PRRC2A: variants seen among roughly 807,000 people sequenced by gnomAD.
The protein encoded by PRRC2A is proline rich coiled-coil 2A.
PRRC2A carries 59 observed loss-of-function variants against 224.6 expected under a neutral mutation model. That is an observed-to-expected ratio of 0.26 (90% CI 0.21 to 0.33). The LOEUF (loss-of-function observed/expected upper bound fraction) is 0.33, where lower values mean the gene tolerates loss of function less well. Among genes scored for constraint, PRRC2A ranks in the 10% least tolerant of loss-of-function variants. The pLI, the probability that PRRC2A is intolerant of heterozygous loss-of-function variation, is 1.00. For synonymous variants in PRRC2A, 1,194 were observed against 1,109.5 expected (o/e 1.08, Z -1.51); for missense variants, 3,095 against 2,880.7 (o/e 1.07, Z -1.70).
Position 31,633,524 on chromosome 6 carries a change from A to G in PRRC2A, c.4465A>G (p.Ser1489Gly). 1.2e-6 allele frequency: 2 copies of G among 1,613,046 alleles called. No individual in the cohort carries two copies. Among genetic ancestry groups the G allele is most frequent in the South Asian group, 1.1e-5 (1 of 91,086 alleles). Residue 1489 changes from serine (S) to glycine (G), a missense_variant, in exon 17 of 31, where the codon AGT becomes GGT. Ser to Gly is a moderately conservative substitution (Grantham distance 56). Transcript: ENST00000376033. ...GGCCCAGCTTAGTAGCCGTCAAGGG[A>G]GTGTAACTGCACCAGGGGGTCATCC... ...ALAQLSSRQG[S>G]VTAPGGHPRH...
In PRRC2A at chr6:31,627,032, G is replaced by A. The variant is rs751003505; in HGVS notation, c.1124G>A (p.Gly375Asp). 3.7e-6 allele frequency: 6 copies of A among 1,614,180 alleles called. No homozygotes were observed. The highest frequency in any genetic ancestry group is 3.4e-6 in the Non-Finnish European group (4 of 1,180,034). ...GAGGAACGGCCCCCTGAAGCAGATG[G>A]CAAAAAGGGCAACTCCCCCAACAGC... is the stretch of plus-strand genomic sequence containing the variant. ...SGEERPPEAD[G>D]KKGNSPNSEP... The change falls in exon 11 of 31, where the codon GGC becomes GAC. Residue 375 changes from glycine (G) to aspartate (D), a missense_variant. Gly to Asp is a moderately conservative substitution (Grantham distance 94). Coordinates refer to ENST00000376033, the MANE Select transcript of PRRC2A (RefSeq NM_004638.4). The surrounding 1 kb of genome is among the most constrained non-coding windows in gnomAD (Gnocchi z 5.6).
At position 31,631,332 on chromosome 6, in the gene PRRC2A, A is replaced by G. The variant is rs781034570; in HGVS notation, c.2659A>G (p.Lys887Glu). ...QTPPPKKEPPKEETAQLTGPE... is the reference protein window; with the variant it reads ...QTPPPKKEPPEEETAQLTGPE... The stretch of plus-strand genomic sequence containing the variant: ...TCCACCACCCAAGAAGGAGCCCCCT[A>G]AGGAGGAGACTGCACAGCTGACGGG... The change falls in exon 16 of 31, where the codon AAG becomes GAG. Residue 887 changes from lysine (K) to glutamate (E), a missense_variant. This residue lies in a region of PRRC2A where 2,001 missense variants were observed against 1,764.9 expected (regional missense o/e 1.13). Coordinates refer to ENST00000376033, the MANE Select transcript of PRRC2A (RefSeq NM_004638.4). The surrounding 1 kb of genome is among the most constrained non-coding windows in gnomAD (Gnocchi z 4.5). 7 of 1,604,324 alleles carry G rather than the reference A, an allele frequency of 4.4e-6. No individual in the cohort carries two copies. Among genetic ancestry groups the G allele is most frequent in the African/African-American group, 4.0e-5 (3 of 74,244 alleles).
chr6:31,621,213 G>A (rs926813332), intron 1 of PRRC2A, among the ~76,000 whole-genome samples: 3 of 151,286 alleles, frequency 2.0e-5, no homozygotes, highest in African/African-American at 7.3e-5. Context: ...GCCCCGTGGT[G>A]GTGGGCCGCG....
Position 31,635,569 on chromosome 6 carries a change from C to T in PRRC2A, c.5374-13C>T, listed in dbSNP as rs371632018. The T allele has an allele frequency of 3.6e-4, 581 of 1,610,450 alleles. No individual in the cohort carries two copies. The highest frequency in any genetic ancestry group is 4.7e-4 in the Non-Finnish European group (549 of 1,178,310). ...TGCCAGACATCCCTCTCCACGAGGC[C>T]TCTCCTTCCCAGGCCATTCCTGTAT... On this transcript the variant is annotated splice_polypyrimidine_tract_variant and intron_variant, in intron 23 of 30. Transcript: ENST00000376033.
At position 31,633,468 on chromosome 6, in the gene PRRC2A, A is replaced by C. The variant is rs755053073; in HGVS notation, c.4409A>C (p.His1470Pro). The C allele has an allele frequency of 5.0e-6, 8 of 1,612,950 alleles. No individual in the cohort carries two copies. The highest frequency in any genetic ancestry group is 5.9e-6 in the Non-Finnish European group (7 of 1,180,028). ...GTCTTCCGCCTGGACCAAGTTATCC[A>C]CAGCAACCCTGCTGGCATCCAACAG... Reference protein sequence around the residue: ...SAVFRLDQVIHSNPAGIQQAL... With the variant: ...SAVFRLDQVIPSNPAGIQQAL... Residue 1470 changes from histidine to proline, a missense_variant, in exon 17 of 31, where the codon CAC becomes CCC. Transcript: ENST00000376033.
chr6:31,628,914 A>G, intron 12 of PRRC2A: 1 of 536,468 alleles, frequency 1.9e-6, no homozygotes, highest in Non-Finnish European at 3.3e-6. Flanking sequence ...AGACTGAAGA[A>G]AGTACTGTTG....
rs1398579356 is a variant in PRRC2A at position 31,632,051 on chromosome 6, A to G, written c.3378A>G (p.Thr1126=). ...CTCCTTCAGACAAGGAGGCTCCCACACCCAAGGAGGGAACACTCACCCAGG... is the reference window on the plus strand; with the variant it reads ...CTCCTTCAGACAAGGAGGCTCCCACGCCCAAGGAGGGAACACTCACCCAGG... ...DLAPSDKEAP[T]PKEGTLTQVP... is the part of the protein sequence containing the mutation. Residue 1126 remains threonine, a synonymous_variant, in exon 16 of 31, where the codon ACA becomes ACG. Transcript: ENST00000376033. 2 of 1,577,418 alleles carry G rather than the reference A, an allele frequency of 1.3e-6. No homozygotes were observed. The highest frequency in any genetic ancestry group is 1.8e-5 in the Admixed American group (1 of 56,644).
chr6:31,629,544 C>T lies in PRRC2A; in HGVS notation c.1957-4C>T, dbSNP rs1263818555. 1 of 1,531,050 alleles carries T rather than the reference C, an allele frequency of 6.5e-7. No homozygotes were observed. The highest frequency in any genetic ancestry group is 1.7e-5 in the Admixed American group (1 of 59,902). The allele number at this position is 1,531,050 out of a possible 1,614,324, so 94.8% of individuals were successfully genotyped here. ...CTCTCATCTTGTCTTTCCTCCTTTC[C>T]TAGGAGCAGCTCCTGAAGCAGCAGC... On this transcript the variant is annotated splice_polypyrimidine_tract_variant and splice_region_variant and intron_variant, in intron 13 of 30. Transcript: ENST00000376033.
rs949928995 is a variant in PRRC2A, at chr6:31,632,960, C to G, written c.4287C>G (p.Asp1429Glu). The G allele has an allele frequency of 6.2e-7, 1 of 1,600,720 alleles. No individual in the cohort carries two copies. The highest frequency in any genetic ancestry group is 1.3e-5 in the African/African-American group (1 of 74,490). Residue 1429 changes from aspartate to glutamate, a missense_variant, in exon 16 of 31, where the codon GAC becomes GAG. By Grantham distance (45) the Asp-to-Glu change is conservative (BLOSUM62 2). Transcript: ENST00000376033. ...GAAGGACCGGGCCAGGACGAGGCGA[C>G]AAGAGGAGCTGGCCCTCTCCCAAGA... ...PGGRTGPGRG[D>E]KRSWPSPKNR... is the part of the protein sequence containing the mutation.
At position 31,637,698 on chromosome 6, in the gene PRRC2A, T is replaced by C; in HGVS notation, c.*112T>C. Reference sequence around the variant, plus strand: ...GGGGCTGGGGCCTCACTTCCCCTCCTCCCCCTTCCCCTGGTCCCCTGTCCC... The same window carrying C: ...GGGGCTGGGGCCTCACTTCCCCTCCCCCCCCTTCCCCTGGTCCCCTGTCCC... On this transcript the variant is annotated 3_prime_UTR_variant, in exon 31 of 31. Transcript: ENST00000376033. 4 of 585,410 alleles carry C rather than the reference T, an allele frequency of 6.8e-6. No homozygotes were observed. The highest frequency in any genetic ancestry group is 1.1e-5 in the Non-Finnish European group (4 of 375,630). The allele number at this position is 585,410 out of a possible 1,614,324, so 36.3% of individuals were successfully genotyped here. A position where few individuals can be genotyped will look rare whatever the true frequency, so the allele number is the denominator to read the frequency against.
rs751993029 is a variant in PRRC2A at position 31,633,413 on chromosome 6, C to T, written c.4354C>T (p.Leu1452=). ...AGAGGAGCGTCCCCCGGGGCTTCCC[C>T]TGCCTCCCCCACCTCCCAGCAGTTC... The part of the protein sequence containing the change: ...PPEERPPGLP[L]PPPPPSSSAV... Residue 1452 remains leucine (L), a synonymous_variant, in exon 17 of 31, where the codon CTG becomes TTG. Transcript: ENST00000376033. The T allele has an allele frequency of 1.4e-5, 22 of 1,612,942 alleles. No homozygotes were observed. Among genetic ancestry groups the T allele is most frequent in the African/African-American group, 5.3e-5 (4 of 74,932 alleles).
intron 2 of PRRC2A, among the ~76,000 whole-genome samples, 194 bp from the exon 3 acceptor site, chr6:31,623,538 A>G (rs930124232): frequency 3.9e-5 from 6 of 152,114 alleles, no homozygotes; most frequent in Non-Finnish European, 5.9e-5. Context: ...AAGTGCTGGG[A>G]TTGCAAAGTG....
Position 31,627,079 on chromosome 6 carries a change from G to A in PRRC2A, c.1171G>A (p.Ala391Thr), listed in dbSNP as rs762876043. ...CAGCGAACCGCCCACTCCTAAGACGGCCTGGGCAGAAACCTCTCGGCCTCC... is the reference window on the plus strand; with the variant it reads ...CAGCGAACCGCCCACTCCTAAGACGACCTGGGCAGAAACCTCTCGGCCTCC... ...PNSEPPTPKT[A>T]WAETSRPPET... Residue 391 changes from alanine to threonine, a missense_variant, in exon 11 of 31, where the codon GCC becomes ACC. Transcript: ENST00000376033. The surrounding 1 kb of genome is among the most constrained non-coding windows in gnomAD (Gnocchi z 5.6). 2 of 1,614,176 alleles carry A rather than the reference G, an allele frequency of 1.2e-6. No homozygotes were observed. Among genetic ancestry groups the A allele is most frequent in the South Asian group, 2.2e-5 (2 of 91,088 alleles).
intron 1 of PRRC2A, among the ~76,000 whole-genome samples, chr6:31,621,884 G>A (rs1183212329): frequency 6.6e-6 from 1 of 152,218 alleles, no homozygotes. Flanking sequence ...TTTTAATGAG[G>A]ATAGGAAAAC....
chr6:31,636,957 G>T lies in PRRC2A; in HGVS notation c.6147+12G>T. ...TGGGGCGAGCAGAGGTAAGGTACAG[G>T]AACTGAGGGGCTAGGGAGCGCCAAG... On this transcript the variant is annotated intron_variant, in intron 28 of 30. Transcript: ENST00000376033. This position sits in a 1 kb window ranked among gnomAD's most constrained non-coding sequence, Gnocchi z 4.3. The T allele has an allele frequency of 6.2e-7, 1 of 1,609,802 alleles. No individual in the cohort carries two copies. Among genetic ancestry groups the T allele is most frequent in the South Asian group, 1.1e-5 (1 of 90,962 alleles).
In PRRC2A at chr6:31,632,837, G is replaced by A; in HGVS notation, c.4164G>A (p.Gln1388=). 6.2e-7 allele frequency: 1 copy of A among 1,613,186 alleles called. No individual in the cohort carries two copies. The highest frequency in any genetic ancestry group is 8.5e-7 in the Non-Finnish European group (1 of 1,180,030). ...TGAGTAAACGGAGCTTCTCAAGTCAGCGGCCAGGCATGGAACGGCAGAATC... is the reference window on the plus strand; with the variant it reads ...TGAGTAAACGGAGCTTCTCAAGTCAACGGCCAGGCATGGAACGGCAGAATC... ...KDLSKRSFSS[Q]RPGMERQNRR... is the part of the protein sequence containing the mutation. Residue 1388 remains glutamine, a synonymous_variant, in exon 16 of 31, where the codon CAG becomes CAA. Transcript: ENST00000376033.
Position 31,625,722 on chromosome 6 carries a change from TAGC to T in PRRC2A, c.760-67_760-65del. 3.2e-6 allele frequency: 5 copies of T among 1,571,452 alleles called. No homozygotes were observed. Among genetic ancestry groups the T allele is most frequent in the Non-Finnish European group, 4.4e-6 (5 of 1,141,292 alleles). ...GAAGGGAGGGTGGGAGGATGATTGA[TAGC>T]AGGCTTAAGGAGCTAGAAGGGTATA... On this transcript the variant is annotated intron_variant, in intron 7 of 30. Transcript: ENST00000376033. The surrounding 1 kb of genome is among the most constrained non-coding windows in gnomAD (Gnocchi z 4.1).
At position 31,637,623 on chromosome 6, in the gene PRRC2A, T is replaced by G. The variant is rs1777695379; in HGVS notation, c.*37T>G. 7.6e-7 allele frequency: 1 copy of G among 1,319,858 alleles called. No individual in the cohort carries two copies. The highest frequency in any genetic ancestry group is 2.8e-5 in the East Asian group (1 of 35,844). The allele number at this position is 1,319,858 out of a possible 1,614,324, so 81.8% of individuals were successfully genotyped here. A position where few individuals can be genotyped will look rare whatever the true frequency, so the allele number is the denominator to read the frequency against. The stretch of plus-strand genomic sequence containing the variant: ...TTGCCCCCTACCCCCGGGGCTTGTA[T>G]ATAGATTATAAATATATAAGGGGGA... On this transcript the variant is annotated 3_prime_UTR_variant, in exon 31 of 31. Transcript: ENST00000376033.
intron 18 of PRRC2A, 72 bp downstream of exon 18, chr6:31,634,061 CTGTTTTCTT>C: frequency 6.3e-7 from 1 of 1,582,136 alleles, no homozygotes; most frequent in Non-Finnish European, 8.5e-7. Context: ...TATGTTTTCT[CTGTTTTCTT>C]TCCTGTTTCT....
Sources: gnomAD v4.1 joint callset for allele counts (sites outside exome capture counted in the v4.1 genomes callset) on GRCh38, gnomAD v4.1.1 for gene constraint, gnomAD v4.1.1 regional missense constraint, Gnocchi (gnomAD v3.1) non-coding constraint, MANE v1.5 for transcripts, NCBI Gene and HGNC (gene_info 2026-07-23, HGNC 2026-07-21) for gene names.